The following NIM1K variants were observed in gnomAD, a reference collection of about 807,000 sequenced individuals.
NIM1K encodes the protein NIM1 serine/threonine protein kinase.
NIM1K carries 35 observed loss-of-function variants against 37.1 expected under a neutral mutation model. The ratio of observed to expected loss-of-function variants is 0.94; its 90% confidence interval spans 0.72 to 1.25. The LOEUF (loss-of-function observed/expected upper bound fraction) is 1.25, where lower values mean the gene tolerates loss of function less well. Among genes scored for constraint, NIM1K ranks in the 50% most tolerant of loss-of-function variants. NIM1K has a pLI of 0.00. For missense variants in NIM1K, 564 were observed against 548.0 expected (o/e 1.03, Z -0.29); for synonymous variants, 234 against 206.6 (o/e 1.13, Z -1.14).
At chr5:43,213,931 T>TTCTC (rs919358890) in intron 1 of NIM1K, among the ~76,000 whole-genome samples, 3 of 29,228 alleles carry the variant, frequency 1.0e-4, no homozygotes, top group Admixed American at 5.6e-4. Context: ...GCCTAGCTCT[T>TTCTC]TCTCTCTTTC....
intron 2 of NIM1K, among the ~76,000 whole-genome samples, chr5:43,262,855 A>G (rs561998440): frequency 1.3e-3 from 194 of 152,244 alleles, no homozygotes; most frequent in African/African-American, 4.5e-3. Context: ...TTCTGCATCT[A>G]TTGAGATAAT....
At chr5:43,276,399 C>T (rs1753341162) in intron 2 of NIM1K, among the ~76,000 whole-genome samples, 1 of 152,240 alleles carries the variant, frequency 6.6e-6, no homozygotes, top group Non-Finnish European at 1.5e-5. Flanking sequence ...AACCAGATCT[C>T]ATGTGAACTC....
chr5:43,279,902 T>C, intron 3 of NIM1K, 78 bp from the exon 4 acceptor site: 1 of 1,164,460 alleles, frequency 8.6e-7, no homozygotes. Flanking sequence ...ATTATCTCAC[T>C]GTTTCAGAGC....
chr5:43,196,118 G>A (rs921619980), intron 1 of NIM1K, among the ~76,000 whole-genome samples: 2 of 151,972 alleles, frequency 1.3e-5, no homozygotes, highest in East Asian at 1.9e-4. Flanking sequence ...CTGTCTTTTC[G>A]GGTCTCCTGA....
intron 2 of NIM1K, among the ~76,000 whole-genome samples, chr5:43,264,276 A>G (rs529211433): frequency 1.3e-5 from 2 of 152,176 alleles, no homozygotes; most frequent in Non-Finnish European, 2.9e-5. Context: ...GTAGGTCTCT[A>G]TGGACTTGTT....
intron 2 of NIM1K, among the ~76,000 whole-genome samples, chr5:43,273,659 C>G (rs1359062165): frequency 6.6e-6 from 1 of 152,166 alleles, no homozygotes; most frequent in Non-Finnish European, 1.5e-5. Flanking sequence ...GATCTGGGGC[C>G]ACCCCTCCTC....
At chr5:43,204,938 G>C (rs1352954746) in intron 1 of NIM1K, among the ~76,000 whole-genome samples, 1 of 152,168 alleles carries the variant, frequency 6.6e-6, no homozygotes, top group Non-Finnish European at 1.5e-5. Flanking sequence ...CGAGGCTGCA[G>C]TGAGCTGTGA....
chr5:43,277,156 C>T lies in NIM1K; in HGVS notation c.392C>T (p.Pro131Leu). The T allele has an allele frequency of 1.2e-6, 2 of 1,614,106 alleles. No individual in the cohort carries two copies. Among genetic ancestry groups the T allele is most frequent in the African/African-American group, 1.3e-5 (1 of 75,048 alleles). Residue 131 changes from proline to leucine, a missense_variant, in exon 3 of 4, where the codon CCC becomes CTC. Pro to Leu is a moderately conservative substitution (Grantham distance 98). Coordinates refer to ENST00000326035, the MANE Select transcript of NIM1K (RefSeq NM_153361.4). ...TCCAGCATGGAAAAGCTGCACCATCCCAACATCATCCGCCTTTACGAAGTG... is the reference window on the plus strand; with the variant it reads ...TCCAGCATGGAAAAGCTGCACCATCTCAACATCATCCGCCTTTACGAAGTG... Reference protein sequence around the residue: ...EISSMEKLHHPNIIRLYEVVE... With the variant: ...EISSMEKLHHLNIIRLYEVVE...
intron 1 of NIM1K, chr5:43,232,064 C>T: frequency 9.7e-7 from 1 of 1,032,804 alleles, no homozygotes; most frequent in Non-Finnish European, 1.5e-6. Context: ...TGTGTCTTGA[C>T]CAGGTCTCCA....
In NIM1K at chr5:43,280,436, G is replaced by A. The variant is rs773873714; in HGVS notation, c.1018G>A (p.Asp340Asn). 2 of 1,614,170 alleles carry A rather than the reference G, an allele frequency of 1.2e-6. No individual in the cohort carries two copies. Among genetic ancestry groups the A allele is most frequent in the Non-Finnish European group, 1.7e-6 (2 of 1,180,032 alleles). The change falls in exon 4 of 4, where the codon GAT (aspartate) becomes AAT (asparagine). Residue 340 changes from aspartate (D) to asparagine (N), a missense_variant. Physicochemically the swap from Asp to Asn is conservative, Grantham distance 23. Coordinates refer to ENST00000326035, the MANE Select transcript of NIM1K (RefSeq NM_153361.4). ...TACACCTTTGGAACCTTTCCAACTG[G>A]ATCCCAAACATTTGTCGGAAACCAG... ...YPTPLEPFQL[D>N]PKHLSETSTL...
At chr5:43,209,378 G>T (rs999632817) in intron 1 of NIM1K, among the ~76,000 whole-genome samples, 2 of 152,140 alleles carry the variant, frequency 1.3e-5, no homozygotes, top group Non-Finnish European at 2.9e-5. Context: ...CAGCTAGAGA[G>T]GTGCTCTGGT....
intron 2 of NIM1K, among the ~76,000 whole-genome samples, chr5:43,249,594 T>C (rs964993888): frequency 6.6e-6 from 1 of 152,146 alleles, no homozygotes; most frequent in African/African-American, 2.4e-5. Flanking sequence ...AAACAGGTGA[T>C]GCCTTTAATA....
rs1308751554 is a variant in NIM1K, at chr5:43,195,191, GAGA to G, written c.-695+2788_-695+2790del. 2.6e-5 allele frequency among the ~76,000 whole-genome samples: 4 copies of G among 152,228 alleles called. No individual in the cohort carries two copies. The East Asian group carries it at 7.7e-4, about 29-fold the overall frequency. On this transcript the variant is annotated intron_variant, in intron 1 of 3. Transcript: ENST00000326035. The stretch of plus-strand genomic sequence containing the variant: ...CTAGAATTGAAGTTTTAATTTTCAG[GAGA>G]AGAAGAAAATATTCAAATTGCTTAT...
intron 2 of NIM1K, among the ~76,000 whole-genome samples, chr5:43,269,301 T>C (rs1471534075): frequency 1.0e-5 from 1 of 99,618 alleles, no homozygotes. Context: ...AAAGTGAGAC[T>C]TCATCTCAAA....
In NIM1K at chr5:43,224,986, G is replaced by A. The variant is rs542546162; in HGVS notation, c.-694-20096G>A. ...CGGGATTACAGGCCTAAGCCATTGC[G>A]CCTGGCCACAAGTGGATTTTTAAAA... On this transcript the variant is annotated intron_variant, in intron 1 of 3. Transcript: ENST00000326035. 4.6e-5 allele frequency among the ~76,000 whole-genome samples: 7 copies of A among 152,160 alleles called. No individual in the cohort carries two copies. In the East Asian group the frequency reaches 5.8e-4, roughly 13 times the overall value.
chr5:43,262,902 A>C (rs371102324), intron 2 of NIM1K, among the ~76,000 whole-genome samples: 1 of 151,884 alleles, frequency 6.6e-6, no homozygotes, highest in Non-Finnish European at 1.5e-5. Context: ...TTGTATAATG[A>C]TGGATTACGT....
chr5:43,261,493 T>A (rs1460601907), intron 2 of NIM1K, among the ~76,000 whole-genome samples: 2 of 152,218 alleles, frequency 1.3e-5, no homozygotes, highest in Non-Finnish European at 2.9e-5. Context: ...GAGTTCTTTG[T>A]AGATTCTGGA....
At chr5:43,209,319 C>T (rs72752588) in intron 1 of NIM1K, among the ~76,000 whole-genome samples, 1,931 of 152,284 alleles carry the variant, frequency 0.013, 14 homozygotes, top group Middle Eastern at 0.024. Flanking sequence ...GAGTGTTGTG[C>T]AAAAGCAATG....
intron 2 of NIM1K, among the ~76,000 whole-genome samples, chr5:43,260,785 G>A (rs547222058): frequency 5.9e-5 from 9 of 152,074 alleles, no homozygotes; most frequent in South Asian, 2.1e-4. Flanking sequence ...GACAGGCCCG[G>A]ATGTGTGATG....
Sources: gnomAD v4.1 joint callset for allele counts (sites outside exome capture counted in the v4.1 genomes callset) on GRCh38, gnomAD v4.1.1 for gene constraint, MANE v1.5 for transcripts, NCBI Gene and HGNC (gene_info 2026-07-23, HGNC 2026-07-21) for gene names.